CAMK1D: variants seen among roughly 807,000 people sequenced by gnomAD.
CAMK1D encodes the protein calcium/calmodulin-dependent protein kinase type 1D.
Under a neutral mutation model 47.7 loss-of-function variants are expected in CAMK1D, and 9 were observed. That is an observed-to-expected ratio of 0.19 (90% confidence interval 0.11 to 0.33). CAMK1D has a LOEUF of 0.33. Ranked by LOEUF, CAMK1D falls within the 10% of genes least tolerant of loss-of-function variation. CAMK1D has a pLI of 1.00. For missense variants in CAMK1D, 291 were observed against 488.7 expected (o/e 0.60, Z 3.81); for synonymous variants, 184 against 184.9 (o/e 0.99, Z 0.04).
At chr10:12,789,603 A>C (rs569445959) in intron 5 of CAMK1D, among the ~76,000 whole-genome samples, 1 of 152,368 alleles carries the variant, frequency 6.6e-6, no homozygotes, top group African/African-American at 2.4e-5. Context: ...ATATAAATGA[A>C]GTCTCTTCTG....
chr10:12,665,734 C>T (rs923833084), intron 2 of CAMK1D, among the ~76,000 whole-genome samples: 8 of 152,320 alleles, frequency 5.3e-5, no homozygotes, highest in African/African-American at 1.7e-4. Context: ...GGCTAGAATT[C>T]GGCTGTTTCC....
At chr10:12,485,890 A>G (rs1471649689) in intron 1 of CAMK1D, among the ~76,000 whole-genome samples, 1 of 152,162 alleles carries the variant, frequency 6.6e-6, no homozygotes, top group African/African-American at 2.4e-5. Flanking sequence ...AACAGAGCCA[A>G]ATTCAGCCCA....
intron 3 of CAMK1D, among the ~76,000 whole-genome samples, chr10:12,688,765 A>C (rs1564493491): frequency 6.6e-6 from 1 of 152,034 alleles, no homozygotes; most frequent in Admixed American, 6.6e-5. Flanking sequence ...GCTCATCGCA[A>C]CCTCTGCCTG....
At chr10:12,368,207 A>AT (rs1837902627) in intron 1 of CAMK1D, among the ~76,000 whole-genome samples, 1 of 149,634 alleles carries the variant, frequency 6.7e-6, no homozygotes, top group African/African-American at 2.4e-5. Flanking sequence ...TCAAAAAAAA[A>AT]AAAAAAATAA....
intron 6 of CAMK1D, among the ~76,000 whole-genome samples, chr10:12,799,542 C>G (rs1239542619): frequency 6.6e-6 from 1 of 152,164 alleles, no homozygotes; most frequent in East Asian, 1.9e-4. Context: ...CCATGGGTTC[C>G]GCATCATCGG....
At chr10:12,552,753 A>AT (rs1247167472) in intron 1 of CAMK1D, among the ~76,000 whole-genome samples, 1 of 151,786 alleles carries the variant, frequency 6.6e-6, no homozygotes, top group Non-Finnish European at 1.5e-5. Context: ...TATTATCATT[A>AT]TTTTTTGAGA....
intron 3 of CAMK1D, among the ~76,000 whole-genome samples, chr10:12,738,584 G>A (rs893154013): frequency 6.6e-6 from 1 of 152,166 alleles, no homozygotes; most frequent in Non-Finnish European, 1.5e-5. Flanking sequence ...TGTAATCCCA[G>A]CACTTTGGGA....
At chr10:12,723,913 C>T (rs565440065) in intron 3 of CAMK1D, among the ~76,000 whole-genome samples, 1 of 152,260 alleles carries the variant, frequency 6.6e-6, no homozygotes, top group South Asian at 2.1e-4. Flanking sequence ...TCCCCACTCC[C>T]CCTACCCCAC....
At chr10:12,555,379 G>A (rs189435946) in intron 2 of CAMK1D, among the ~76,000 whole-genome samples, 2 of 152,282 alleles carry the variant, frequency 1.3e-5, no homozygotes, top group East Asian at 3.9e-4. Flanking sequence ...AGAACAAACA[G>A]GTCTCTTTAA....
chr10:12,626,475 C>CTTTTTTTT (rs35033817), intron 2 of CAMK1D, among the ~76,000 whole-genome samples: 2 of 136,298 alleles, frequency 1.5e-5, no homozygotes, highest in Non-Finnish European at 3.1e-5. Flanking sequence ...TTCTTTCTTT[C>CTTTTTTTT]TTTTTTTTTT....
intron 2 of CAMK1D, among the ~76,000 whole-genome samples, chr10:12,639,608 T>C (rs1839613092): frequency 1.3e-5 from 2 of 152,194 alleles, no homozygotes; most frequent in Admixed American, 1.3e-4. Flanking sequence ...AGCATTTTCG[T>C]CTGCATTTTC....
rs57429397 is a variant in CAMK1D, at chr10:12,801,354, T to TAATCTATCTATCTATCTATCTATC, written c.641+10121_641+10122insAATCTATCTATCTATCTATCTATC. On this transcript the variant is annotated intron_variant, in intron 6 of 10. Transcript: ENST00000619168. ...CTATCTATCTATCTATCTATCTATC[T>TAATCTATCTATCTATCTATCTATC]TATCTATCTATCTATCTATCTATCT... Among the ~76,000 whole-genome samples, 4 of 66,564 alleles carry TAATCTATCTATCTATCTATCTATC rather than the reference T, an allele frequency of 6.0e-5. No individual in the cohort carries two copies. In the South Asian group the frequency reaches 1.6e-3, roughly 27 times the overall value. 43.7% of individuals were successfully genotyped at this position (66,564 alleles called of 152,430 possible). A position where few individuals can be genotyped will look rare whatever the true frequency, so the allele number is the denominator to read the frequency against.
chr10:12,563,700 G>GAGAGAGAGA (rs1564414542), intron 2 of CAMK1D, among the ~76,000 whole-genome samples: 1,289 of 84,918 alleles, frequency 0.015, 13 homozygotes, highest in Non-Finnish European at 0.024. Flanking sequence ...AGAGAGAGAG[G>GAGAGAGAGA]GAGAGAGAGG....
intron 2 of CAMK1D, among the ~76,000 whole-genome samples, chr10:12,603,218 G>A (rs912798388): frequency 1.3e-5 from 2 of 152,122 alleles, no homozygotes; most frequent in Admixed American, 1.3e-4. Context: ...GCTTGTTGAT[G>A]TTTCCTAATA....
chr10:12,615,688 TGTG>T (rs1445801406), intron 2 of CAMK1D, among the ~76,000 whole-genome samples: 1 of 146,646 alleles, frequency 6.8e-6, no homozygotes, highest in Non-Finnish European at 1.5e-5. Context: ...TATAGGTGTG[TGTG>T]GTTTGTAGGT....
At chr10:12,463,818 T>C (rs1320461941) in intron 1 of CAMK1D, among the ~76,000 whole-genome samples, 1 of 152,150 alleles carries the variant, frequency 6.6e-6, no homozygotes, top group Non-Finnish European at 1.5e-5. Flanking sequence ...GGTAAATGAA[T>C]CATGGGGTAG....
intron 1 of CAMK1D, among the ~76,000 whole-genome samples, chr10:12,539,527 C>T (rs1046860885): frequency 2.0e-5 from 3 of 152,172 alleles, no homozygotes; most frequent in South Asian, 2.1e-4. Context: ...TGGAGCTATG[C>T]GGCTGGCATT....
At chr10:12,576,334 A>T (rs1347118995) in intron 2 of CAMK1D, among the ~76,000 whole-genome samples, 1 of 152,208 alleles carries the variant, frequency 6.6e-6, no homozygotes, top group East Asian at 1.9e-4. Flanking sequence ...ATTCTAGAGC[A>T]GTGGTCCCCA....
chr10:12,422,547 A>G (rs1364037900), intron 1 of CAMK1D, among the ~76,000 whole-genome samples: 1 of 152,186 alleles, frequency 6.6e-6, no homozygotes, highest in East Asian at 1.9e-4. Context: ...ACCTGGCCAA[A>G]TGCAAGAGGC....
Sources: gnomAD v4.1 joint callset for allele counts (sites outside exome capture counted in the v4.1 genomes callset) on GRCh38, gnomAD v4.1.1 for gene constraint, MANE v1.5 for transcripts, NCBI Gene and HGNC (gene_info 2026-07-23, HGNC 2026-07-21) for gene names.